MCM10: variants seen among roughly 807,000 people sequenced by gnomAD.
The protein encoded by MCM10 is protein MCM10 homolog.
Under a neutral mutation model 109.9 loss-of-function variants are expected in MCM10, and 91 were observed. That is an observed-to-expected ratio of 0.83 (90% CI 0.70 to 0.99). The LOEUF (loss-of-function observed/expected upper bound fraction) is 0.99, where lower values mean the gene tolerates loss of function less well. Among genes scored for constraint, MCM10 ranks in the 50% least tolerant of loss-of-function variants. The probability of loss-of-function intolerance (pLI) is 0.00; values close to 1 mark genes in which losing one functional copy is unlikely to be tolerated. For missense variants in MCM10, 1,077 were observed against 1,061.2 expected (o/e 1.01, Z -0.21); for synonymous variants, 380 against 387.2 (o/e 0.98, Z 0.22).
intron 2 of MCM10, among the ~76,000 whole-genome samples, chr10:13,166,964 C>T (rs1237172883): frequency 2.6e-5 from 4 of 151,592 alleles, no homozygotes; most frequent in Admixed American, 6.6e-5. Context: ...CATGGCAAGA[C>T]CCCATTTCTA....
Position 13,209,298 on chromosome 10 carries a change from C to T in MCM10, c.2613C>T (p.Asn871=). 4 of 1,613,456 alleles carry T rather than the reference C, an allele frequency of 2.5e-6. No homozygotes were observed. The highest frequency in any genetic ancestry group is 3.4e-6 in the Non-Finnish European group (4 of 1,179,734). ...GAGAAGAACATGCTAAATTTCTGAA[C>T]AGCCTTAAATAACCCGAACTTCAGA... ...PRGEEHAKFL[N]SLK is the part of the protein sequence containing the mutation. Residue 871 remains asparagine, a synonymous_variant, in exon 20 of 20, where the codon AAC becomes AAT. Transcript: ENST00000378714.
In MCM10 at chr10:13,204,227, T is replaced by C; in HGVS notation, c.2361T>C (p.Tyr787=). 2 of 1,614,078 alleles carry C rather than the reference T, an allele frequency of 1.2e-6. No individual in the cohort carries two copies. The highest frequency in any genetic ancestry group is 1.1e-5 in the South Asian group (1 of 91,070). Residue 787 remains tyrosine (Y), a synonymous_variant, in exon 18 of 20, where the codon TAT becomes TAC. Coordinates refer to ENST00000378714, the MANE Select transcript of MCM10 (RefSeq NM_018518.5). ...TTTGTTGCTCTGTGCAGTGCGCCTA[T>C]ACCCACTTCAAGCTGCTGGAGACCT... The part of the protein sequence containing the change: ...CRVVTCKTCA[Y]THFKLLETCV...
chr10:13,176,836 G>T (rs1834148033), intron 6 of MCM10, among the ~76,000 whole-genome samples: 1 of 152,210 alleles, frequency 6.6e-6, no homozygotes, highest in Non-Finnish European at 1.5e-5. Context: ...CAAGACTGCA[G>T]TGAGCTATGA....
intron 18 of MCM10, among the ~76,000 whole-genome samples, chr10:13,205,694 G>T (rs2131591316): frequency 6.6e-6 from 1 of 152,166 alleles, no homozygotes; most frequent in Admixed American, 6.5e-5. Context: ...GTTATTTTTT[G>T]CCTTTTTAAT....
intron 2 of MCM10, 60 bp from the exon 3 acceptor site, chr10:13,170,862 A>C: frequency 6.7e-7 from 1 of 1,482,908 alleles, no homozygotes; most frequent in South Asian, 1.2e-5. Flanking sequence ...AAATTGCCTA[A>C]AGTTGAATGT....
intron 17 of MCM10, among the ~76,000 whole-genome samples, chr10:13,203,114 G>A (rs147539081): frequency 6.6e-6 from 1 of 152,192 alleles, no homozygotes; most frequent in East Asian, 1.9e-4. Flanking sequence ...CAAAGCGCTG[G>A]GATTACAGGC....
chr10:13,191,990 A>T (rs1326988458), intron 11 of MCM10, among the ~76,000 whole-genome samples: 4 of 152,242 alleles, frequency 2.6e-5, no homozygotes, highest in African/African-American at 4.8e-5. Flanking sequence ...CTTAGCGGAT[A>T]TTCCAGAAAC....
chr10:13,169,649 C>A (rs1834044461), intron 2 of MCM10, among the ~76,000 whole-genome samples: 2 of 152,164 alleles, frequency 1.3e-5, no homozygotes, highest in African/African-American at 2.4e-5. Context: ...AGGTGTGATA[C>A]AGTCTTATTA....
chr10:13,175,674 C>A lies in MCM10; in HGVS notation c.757C>A (p.Arg253=). Reference sequence around the variant, plus strand: ...CTGTGTGGAAGCCTTCTCTGGTCTGCGGCTCAGGTCAGTAGCTAAACCATC... The same window carrying A: ...CTGTGTGGAAGCCTTCTCTGGTCTGAGGCTCAGGTCAGTAGCTAAACCATC... ...PICVEAFSGL[R]LRRPRVSSTE... Residue 253 remains arginine (R), a synonymous_variant, in exon 6 of 20, where the codon CGG becomes AGG. Transcript: ENST00000378714. 1 of 1,599,980 alleles carries A rather than the reference C, an allele frequency of 6.3e-7. No individual in the cohort carries two copies. Among genetic ancestry groups the A allele is most frequent in the Non-Finnish European group, 8.5e-7 (1 of 1,172,372 alleles).
intron 14 of MCM10, 98 bp from the exon 15 acceptor site, chr10:13,197,525 C>A: frequency 9.2e-7 from 1 of 1,081,786 alleles, no homozygotes; most frequent in South Asian, 1.6e-5. Flanking sequence ...CAGAGAACAG[C>A]CAGAATTCAC....
intron 2 of MCM10, among the ~76,000 whole-genome samples, chr10:13,165,603 G>A (rs192369312): frequency 5.3e-4 from 80 of 152,210 alleles, no homozygotes; most frequent in Admixed American, 1.1e-3. Flanking sequence ...GGCTGGGTGC[G>A]GTGGCTCATG....
At chr10:13,185,551 C>T (rs1438061601) in intron 8 of MCM10, among the ~76,000 whole-genome samples, 3 of 152,210 alleles carry the variant, frequency 2.0e-5, no homozygotes, top group African/African-American at 7.2e-5. Context: ...GAACTTATCA[C>T]ATAACCAATG....
At chr10:13,161,912 ATTC>A (rs1833932237) in intron 1 of MCM10, among the ~76,000 whole-genome samples, 1 of 133,142 alleles carries the variant, frequency 7.5e-6, no homozygotes, top group Non-Finnish European at 1.7e-5. Context: ...TCATTCATTC[ATTC>A]ATTGGTTTCT....
intron 10 of MCM10, 88 bp from the exon 11 acceptor site, chr10:13,191,211 A>G: frequency 1.2e-6 from 1 of 861,172 alleles, no homozygotes; most frequent in East Asian, 2.4e-5. Flanking sequence ...CGGTGTGTGT[A>G]ATAAATGATG....
chr10:13,190,497 G>A (rs1259058126), intron 10 of MCM10, among the ~76,000 whole-genome samples: 1 of 148,132 alleles, frequency 6.8e-6, no homozygotes, highest in Non-Finnish European at 1.5e-5. Context: ...CCGCCTGAGC[G>A]ACATGGCAAA....
intron 18 of MCM10, among the ~76,000 whole-genome samples, chr10:13,208,768 C>A (rs775947545): frequency 1.3e-5 from 2 of 152,106 alleles, no homozygotes; most frequent in Non-Finnish European, 2.9e-5. Context: ...TGAGTCTCAT[C>A]CCAACCACCA....
intron 18 of MCM10, among the ~76,000 whole-genome samples, chr10:13,206,681 T>TA (rs1195403055): frequency 3.3e-5 from 5 of 151,990 alleles, no homozygotes; most frequent in South Asian, 2.1e-4. Context: ...TTAGAAAAAT[T>TA]AAAAAAAATT....
intron 18 of MCM10, among the ~76,000 whole-genome samples, chr10:13,204,990 G>GTA (rs72002574): frequency 8.4e-6 from 1 of 118,730 alleles, no homozygotes; most frequent in Non-Finnish European, 1.6e-5. Flanking sequence ...TCTCATGTAT[G>GTA]TATGTATGTA....
rs751198962 is a variant in MCM10 at position 13,192,437 on chromosome 10, G to T, written c.1628-14G>T. On this transcript the variant is annotated splice_polypyrimidine_tract_variant and intron_variant, in intron 12 of 19. Transcript: ENST00000378714. ...CCTCCCAGGGCACCCCCTCAGTCTGGGCTTCTGTTTCAGGGATTATGGGGA... is the reference window on the plus strand; with the variant it reads ...CCTCCCAGGGCACCCCCTCAGTCTGTGCTTCTGTTTCAGGGATTATGGGGA... 1.2e-6 allele frequency: 2 copies of T among 1,614,042 alleles called. No individual in the cohort carries two copies. Among genetic ancestry groups the T allele is most frequent in the Non-Finnish European group, 1.7e-6 (2 of 1,179,934 alleles).
Sources: gnomAD v4.1 joint callset for allele counts (sites outside exome capture counted in the v4.1 genomes callset) on GRCh38, gnomAD v4.1.1 for gene constraint, MANE v1.5 for transcripts, NCBI Gene and HGNC (gene_info 2026-07-23, HGNC 2026-07-21) for gene names.